The following BBOX1 variants were observed in gnomAD, a reference collection of about 807,000 sequenced individuals.
The protein encoded by BBOX1 is gamma-butyrobetaine dioxygenase.
A neutral mutation model predicts 41.6 loss-of-function variants in BBOX1; 35 were observed. The observed-to-expected ratio is 0.84, with a 90% CI of 0.64 to 1.11. The LOEUF is 1.11. BBOX1 is among the 50% of genes most tolerant of loss of function. BBOX1 has a pLI of 0.00. For missense variants in BBOX1, 458 were observed against 460.6 expected, an observed-to-expected ratio of 0.99 and a Z score of 0.05; for synonymous variants, 163 against 154.7, an observed-to-expected ratio of 1.05 and a Z score of -0.40.
chr11:27,091,205 T>G (rs1419348191), intron 4 of BBOX1, among the ~76,000 whole-genome samples: 4 of 152,066 alleles, frequency 2.6e-5, no homozygotes, highest in South Asian at 2.1e-4. Flanking sequence ...CCTGACTTCC[T>G]GCAACAGACA....
In BBOX1 at chr11:27,127,368, G is replaced by A. The variant is rs372189890; in HGVS notation, c.1079G>A (p.Arg360His). ...TATGAAGCAGGAACTGAGATATCCCGCCATCTAGAAGGAGCTTATGCTGAC... is the reference window on the plus strand; with the variant it reads ...TATGAAGCAGGAACTGAGATATCCCACCATCTAGAAGGAGCTTATGCTGAC... Reference protein sequence around the residue: ...RSYEAGTEISRHLEGAYADWD... With the variant: ...RSYEAGTEISHHLEGAYADWD... The change falls in exon 9 of 9, where the codon CGC (arginine) becomes CAC (histidine). Residue 360 changes from arginine (R) to histidine (H), a missense_variant. Transcript: ENST00000263182. The A allele has an allele frequency of 4.3e-6, 7 of 1,614,000 alleles. No homozygotes were observed. In the South Asian group the frequency reaches 6.6e-5, roughly 15 times the overall value.
intron 5 of BBOX1, among the ~76,000 whole-genome samples, chr11:27,108,387 A>T (rs545434975): frequency 6.6e-6 from 1 of 152,264 alleles, no homozygotes; most frequent in Non-Finnish European, 1.5e-5. Flanking sequence ...GTCATTTCCT[A>T]TTGATCGTGC....
At chr11:27,113,182 G>C (rs1859138389) in intron 5 of BBOX1, among the ~76,000 whole-genome samples, 1 of 151,948 alleles carries the variant, frequency 6.6e-6, no homozygotes, top group Non-Finnish European at 1.5e-5. Context: ...GGAGACAAGG[G>C]AGCACTTATA....
At chr11:27,079,007 G>A (rs541090491) in intron 4 of BBOX1, among the ~76,000 whole-genome samples, 5 of 152,196 alleles carry the variant, frequency 3.3e-5, no homozygotes, top group Non-Finnish European at 7.4e-5. Flanking sequence ...TTTTCTTCTA[G>A]TTAAAGCGCC....
At chr11:27,052,814 C>A (rs2133955203) in intron 2 of BBOX1, among the ~76,000 whole-genome samples, 1 of 152,214 alleles carries the variant, frequency 6.6e-6, no homozygotes, top group South Asian at 2.1e-4. Flanking sequence ...CTCTTGACTT[C>A]TTTTAGATTT....
chr11:27,120,516 C>G (rs1158455323), intron 7 of BBOX1, among the ~76,000 whole-genome samples: 4 of 152,054 alleles, frequency 2.6e-5, no homozygotes, highest in Non-Finnish European at 5.9e-5. Context: ...GGGAGGCTCC[C>G]CAAAGAGATA....
chr11:27,066,860 T>C (rs1376445127), intron 4 of BBOX1, among the ~76,000 whole-genome samples: 1 of 152,142 alleles, frequency 6.6e-6, no homozygotes, highest in Non-Finnish European at 1.5e-5. Flanking sequence ...AAAAATCATC[T>C]CCTTTTTCTT....
chr11:27,074,496 T>C (rs1857571334), intron 4 of BBOX1, among the ~76,000 whole-genome samples: 2 of 152,078 alleles, frequency 1.3e-5, no homozygotes, highest in African/African-American at 4.8e-5. Context: ...CAGGCTGAGG[T>C]AGTCTCAGAT....
At chr11:27,084,210 T>A (rs1486375761) in intron 4 of BBOX1, among the ~76,000 whole-genome samples, 2 of 152,170 alleles carry the variant, frequency 1.3e-5, no homozygotes, top group Non-Finnish European at 2.9e-5. Flanking sequence ...AGTGTCCCTA[T>A]GAAGTCCAGT....
chr11:27,053,737 T>A (rs1856885598), intron 2 of BBOX1, among the ~76,000 whole-genome samples: 1 of 152,156 alleles, frequency 6.6e-6, no homozygotes, highest in South Asian at 2.1e-4. Context: ...TCCATAATGC[T>A]CCTCACTCAG....
At chr11:27,117,659 A>G (rs1054986380) in intron 6 of BBOX1, among the ~76,000 whole-genome samples, 1 of 152,008 alleles carries the variant, frequency 6.6e-6, no homozygotes, top group Admixed American at 6.6e-5. Context: ...GTCTTTTAAG[A>G]ATTTAAGTTT....
chr11:27,120,466 G>T (rs576338581), intron 7 of BBOX1, among the ~76,000 whole-genome samples: 143 of 152,172 alleles, frequency 9.4e-4, no homozygotes, highest in African/African-American at 2.8e-3. Flanking sequence ...TCTGGAGCAG[G>T]GTCAGCCTCA....
intron 5 of BBOX1, among the ~76,000 whole-genome samples, chr11:27,111,679 T>A (rs920354692): frequency 5.3e-5 from 8 of 151,906 alleles, no homozygotes; most frequent in Non-Finnish European, 1.5e-5. Context: ...GTTTAATACT[T>A]TTTCATAAAT....
Position 27,125,705 on chromosome 11 carries a change from G to T in BBOX1, c.888G>T (p.Arg296Ser), listed in dbSNP as rs1252936354. ...VVRINFNNATRDTIFDVPVER... is the reference protein window; with the variant it reads ...VVRINFNNATSDTIFDVPVER... ...GCATCAACTTCAATAACGCAACTAG[G>T]GACACAATATTTGATGTGCCTGTTG... The change falls in exon 8 of 9, where the codon AGG becomes AGT. Residue 296 changes from arginine to serine, a missense_variant. Arg to Ser is a moderately radical substitution (Grantham distance 110). Transcript: ENST00000263182. 1.2e-6 allele frequency: 2 copies of T among 1,609,046 alleles called. No individual in the cohort carries two copies. Among genetic ancestry groups the T allele is most frequent in the Non-Finnish European group, 8.5e-7 (1 of 1,177,250 alleles).
intron 2 of BBOX1, among the ~76,000 whole-genome samples, chr11:27,050,674 AT>A (rs1289495464): frequency 6.6e-6 from 1 of 152,110 alleles, no homozygotes; most frequent in African/African-American, 2.4e-5. Context: ...TGCTACGAAT[AT>A]TTGTATGTTG....
At chr11:27,119,900 C>A in intron 7 of BBOX1, 55 bp downstream of exon 7, 1 of 1,114,624 alleles carries the variant, frequency 9.0e-7, no homozygotes, top group South Asian at 3.2e-5. Context: ...AACAAAAGAT[C>A]CACTAATCTA....
intron 5 of BBOX1, among the ~76,000 whole-genome samples, chr11:27,107,621 A>C (rs1858916147): frequency 6.6e-6 from 1 of 152,052 alleles, no homozygotes; most frequent in Non-Finnish European, 1.5e-5. Context: ...TAGCATTAGA[A>C]TCTGTCTCTA....
At chr11:27,049,419 T>C (rs1851600881) in intron 2 of BBOX1, among the ~76,000 whole-genome samples, 1 of 152,110 alleles carries the variant, frequency 6.6e-6, no homozygotes, top group Admixed American at 6.5e-5. Flanking sequence ...AAATTTTTAA[T>C]TTTTTATTGT....
chr11:27,052,296 T>A (rs1001032858), intron 2 of BBOX1, among the ~76,000 whole-genome samples: 8 of 152,084 alleles, frequency 5.3e-5, no homozygotes, highest in Admixed American at 6.6e-5. Flanking sequence ...CTCCCACAGT[T>A]CTTATTTCTT....
Sources: allele counts gnomAD v4.1 joint callset (sites outside exome capture counted in the v4.1 genomes callset), GRCh38; gene constraint gnomAD v4.1.1; transcripts MANE v1.5; gene names NCBI Gene and HGNC (gene_info 2026-07-23, HGNC 2026-07-21).